Variants in ILRUN observed in about 807,000 individuals in gnomAD.
The protein encoded by ILRUN is protein ILRUN.
In ILRUN, 3 loss-of-function variants were observed where a neutral mutation model predicts 33.8. The observed-to-expected ratio is 0.09, with a 90% CI of 0.04 to 0.23. The LOEUF is 0.23. Ranked by LOEUF, ILRUN falls within the 10% of genes least tolerant of loss-of-function variation. The pLI is 1.00. For missense variants in ILRUN, 210 were observed against 375.1 expected (o/e 0.56, Z 3.64); for synonymous variants, 124 against 138.9 (o/e 0.89, Z 0.75).
At chr6:34,687,730 T>C (rs1005672443) in intron 1 of ILRUN, among the ~76,000 whole-genome samples, 17 of 147,594 alleles carry the variant, frequency 1.2e-4, no homozygotes, top group Admixed American at 1.2e-3. Flanking sequence ...TATATATTTA[T>C]AAAATATATA....
chr6:34,628,722 C>T (rs73411935), intron 3 of ILRUN, among the ~76,000 whole-genome samples: 2,808 of 152,180 alleles, frequency 0.018, 50 homozygotes, highest in African/African-American at 0.048. Flanking sequence ...TTATAATTTT[C>T]CTGTAATCTT....
chr6:34,640,233 CA>C (rs2127355329), intron 3 of ILRUN, among the ~76,000 whole-genome samples: 1 of 151,904 alleles, frequency 6.6e-6, no homozygotes, highest in South Asian at 2.1e-4. Context: ...TAATATGCCC[CA>C]CACAGTGAAG....
At position 34,646,881 on chromosome 6, in the gene ILRUN, C is replaced by G; in HGVS notation, c.314-83G>C. 4 of 1,295,408 alleles carry G rather than the reference C, an allele frequency of 3.1e-6. No individual in the cohort carries two copies. The highest frequency in any genetic ancestry group is 1.2e-5 in the South Asian group (1 of 81,698). 80.2% of individuals were successfully genotyped at this position (1,295,408 alleles called of 1,614,324 possible). On this transcript the variant is annotated intron_variant, in intron 2 of 4. Coordinates refer to ENST00000374023, the MANE Select transcript of ILRUN (RefSeq NM_024294.4). The surrounding 1 kb of genome is among the most constrained non-coding windows in gnomAD (Gnocchi z 4.9). ...GTTTATTATGAAACTGTAGAAGAGG[C>G]CTCTTTCTTTTTCTCACATACATAC...
chr6:34,683,505 T>TAC (rs1763447328), intron 1 of ILRUN, among the ~76,000 whole-genome samples: 1 of 101,564 alleles, frequency 9.8e-6, no homozygotes, highest in African/African-American at 5.8e-5. Context: ...TATACATATA[T>TAC]ATATATATAC....
Position 34,599,496 on chromosome 6 carries a change from G to T in ILRUN, c.861+7059C>A, listed in dbSNP as rs143082311. On this transcript the variant is annotated intron_variant, in intron 4 of 4. Transcript: ENST00000374023. ...ACTATTGGCATCTAGTGGGTAAAAG[G>T]CCAGGCATGCTGCTAACCACTGTAC... Among the ~76,000 whole-genome samples, 28 of 152,154 alleles carry T rather than the reference G, an allele frequency of 1.8e-4. No individual in the cohort carries two copies. In the East Asian group the frequency reaches 5.2e-3, roughly 28 times the overall value.
rs1488886932 is a variant in ILRUN, at chr6:34,588,841, C to G, written c.*1724G>C. 6.6e-6 allele frequency: 1 copy of G among 152,614 alleles called. No individual in the cohort carries two copies. The allele number at this position is 152,614 out of a possible 1,614,324, so 9.5% of individuals were successfully genotyped here. A position where few individuals can be genotyped will look rare whatever the true frequency, so the allele number is the denominator to read the frequency against. On this transcript the variant is annotated 3_prime_UTR_variant, in exon 5 of 5. Transcript: ENST00000374023. Reference sequence around the variant, plus strand: ...CACAAGCTTTTCTCCCACAATCAAGCTCTAAAAAAACAACAGTCTCAGAAG... The same window carrying G: ...CACAAGCTTTTCTCCCACAATCAAGGTCTAAAAAAACAACAGTCTCAGAAG...
At chr6:34,691,119 AC>A (rs368698488) in intron 1 of ILRUN, among the ~76,000 whole-genome samples, 20 of 151,894 alleles carry the variant, frequency 1.3e-4, no homozygotes, top group African/African-American at 2.2e-4. Flanking sequence ...CAATCTCCTG[AC>A]CTCATGATCC....
At chr6:34,653,693 A>G (rs2744954) in intron 2 of ILRUN, among the ~76,000 whole-genome samples, 25,162 of 152,102 alleles carry the variant, frequency 0.17, 2,279 homozygotes, top group African/African-American at 0.22. Context: ...GACCTGTAAA[A>G]GTGCTGGGAG....
chr6:34,674,296 G>C (rs964472302), intron 1 of ILRUN, among the ~76,000 whole-genome samples: 1 of 152,158 alleles, frequency 6.6e-6, no homozygotes, highest in African/African-American at 2.4e-5. Context: ...CAAAGTGCTG[G>C]GATTATAGGC....
At chr6:34,601,003 T>C (rs1381532080) in intron 4 of ILRUN, among the ~76,000 whole-genome samples, 1 of 152,128 alleles carries the variant, frequency 6.6e-6, no homozygotes, top group Non-Finnish European at 1.5e-5. Context: ...TCAGTAACTG[T>C]AAAGGAGTGA....
intron 1 of ILRUN, among the ~76,000 whole-genome samples, chr6:34,670,909 T>G (rs914944438): frequency 6.7e-6 from 1 of 148,592 alleles, no homozygotes; most frequent in East Asian, 2.0e-4. Context: ...CTAAAACTAG[T>G]GCTTCTAATT....
At chr6:34,688,236 C>A (rs1763568615) in intron 1 of ILRUN, among the ~76,000 whole-genome samples, 1 of 151,830 alleles carries the variant, frequency 6.6e-6, no homozygotes, top group South Asian at 2.1e-4. Context: ...AAAATCCTGT[C>A]TGTACAAAAA....
intron 1 of ILRUN, among the ~76,000 whole-genome samples, chr6:34,684,057 G>A (rs763877803): frequency 6.6e-6 from 1 of 151,894 alleles, no homozygotes; most frequent in Non-Finnish European, 1.5e-5. Flanking sequence ...CAGCCTGGGT[G>A]ACAGAGCTCT....
chr6:34,660,071 G>A (rs1458301171), intron 1 of ILRUN, among the ~76,000 whole-genome samples: 8 of 151,720 alleles, frequency 5.3e-5, no homozygotes, highest in South Asian at 2.1e-4. Flanking sequence ...AGGCGCAGAG[G>A]CAGGTGGATC....
chr6:34,672,134 G>A (rs967409288), intron 1 of ILRUN, among the ~76,000 whole-genome samples: 4 of 150,840 alleles, frequency 2.7e-5, no homozygotes, highest in South Asian at 2.1e-4. Context: ...ATGGAGTCTC[G>A]CTCTGTCGTT....
At chr6:34,635,977 A>G (rs1008748048) in intron 3 of ILRUN, among the ~76,000 whole-genome samples, 2 of 152,074 alleles carry the variant, frequency 1.3e-5, no homozygotes, top group Non-Finnish European at 2.9e-5. Flanking sequence ...AGAAATCCAG[A>G]CTGGACGTAC....
chr6:34,693,989 C>T (rs1414019000), intron 1 of ILRUN, among the ~76,000 whole-genome samples: 2 of 151,872 alleles, frequency 1.3e-5, no homozygotes, highest in East Asian at 1.9e-4. Context: ...CGACTCATTT[C>T]GCTGTATTTT....
At position 34,654,479 on chromosome 6, in the gene ILRUN, C is replaced by T. The variant is rs181503221; in HGVS notation, c.313+146G>A. The T allele has an allele frequency of 2.1e-4, 164 of 767,726 alleles. 1 individual carries two copies. The African/African-American group carries it at 2.7e-3, about 13-fold the overall frequency. The allele number at this position is 767,726 out of a possible 1,614,324, so 47.6% of individuals were successfully genotyped here. A position where few individuals can be genotyped will look rare whatever the true frequency, so the allele number is the denominator to read the frequency against. ...ATATTTCACTAATGTTTGGTCATCA[C>T]ACCAGTACAAGAAAATACTACATAT... On this transcript the variant is annotated intron_variant, in intron 2 of 4. Transcript: ENST00000374023.
At chr6:34,642,886 G>C (rs1340558887) in intron 3 of ILRUN, among the ~76,000 whole-genome samples, 5 of 149,184 alleles carry the variant, frequency 3.4e-5, no homozygotes, top group Non-Finnish European at 7.4e-5. Context: ...CCAGCTACTT[G>C]GGAGGCTGAG....
Sources: gnomAD v4.1 joint callset for allele counts (sites outside exome capture counted in the v4.1 genomes callset) on GRCh38, gnomAD v4.1.1 for gene constraint, Gnocchi (gnomAD v3.1) non-coding constraint, MANE v1.5 for transcripts, NCBI Gene and HGNC (gene_info 2026-07-23, HGNC 2026-07-21) for gene names.